CDH13: variants seen among roughly 807,000 people sequenced by gnomAD.
The protein encoded by CDH13 is cadherin-13.
CDH13 carries 24 observed loss-of-function variants against 63.8 expected under a neutral mutation model. That is an observed-to-expected ratio of 0.38 (90% CI 0.27 to 0.53). The LOEUF (loss-of-function observed/expected upper bound fraction) is 0.53, where lower values mean the gene tolerates loss of function less well. CDH13 is among the 20% of genes least tolerant of loss of function. The pLI, the probability that CDH13 is intolerant of heterozygous loss-of-function variation, is 0.85. For synonymous variants in CDH13, 503 were observed against 355.3 expected (o/e 1.42, Z -4.67); for missense variants, 1,049 against 903.1 (o/e 1.16, Z -2.07).
chr16:83,087,642 C>T (rs568383304), intron 3 of CDH13, among the ~76,000 whole-genome samples: 88 of 119,892 alleles, frequency 7.3e-4, no homozygotes, highest in African/African-American at 2.4e-3. Context: ...CACTCCAGCC[C>T]GGGCGACGAA....
chr16:83,024,314 A>G (rs1188280538), intron 2 of CDH13, among the ~76,000 whole-genome samples: 1 of 152,204 alleles, frequency 6.6e-6, no homozygotes. Context: ...GGCATATTCA[A>G]CAGGTATTAT....
intron 5 of CDH13, among the ~76,000 whole-genome samples, chr16:83,227,174 C>T (rs371029834): frequency 1.3e-5 from 2 of 152,186 alleles, no homozygotes; most frequent in East Asian, 1.9e-4. Flanking sequence ...GGTCAGAACC[C>T]GGATGCAAGC....
chr16:82,940,809 C>G (rs886100121), intron 2 of CDH13, among the ~76,000 whole-genome samples: 4 of 152,142 alleles, frequency 2.6e-5, no homozygotes, highest in African/African-American at 9.7e-5. Flanking sequence ...TATTTGAGCT[C>G]TTGTCCCATG....
Position 83,602,364 on chromosome 16 carries a change from G to C in CDH13, c.961-90G>C, listed in dbSNP as rs536904259. The C allele has an allele frequency of 2.1e-4, 273 of 1,277,560 alleles. 1 individual carries two copies. In the African/African-American group the frequency reaches 3.8e-3, roughly 18 times the overall value. The allele number at this position is 1,277,560 out of a possible 1,614,324, so 79.1% of individuals were successfully genotyped here. A position where few individuals can be genotyped will look rare whatever the true frequency, so the allele number is the denominator to read the frequency against. On this transcript the variant is annotated intron_variant, in intron 7 of 13. Coordinates refer to ENST00000567109, the MANE Select transcript of CDH13 (RefSeq NM_001257.5). ...GCCTACCCTAGATGGAGGAGGGGGAGAGACAGCTCCAGCAACACGCCTGCC... is the reference window on the plus strand; with the variant it reads ...GCCTACCCTAGATGGAGGAGGGGGACAGACAGCTCCAGCAACACGCCTGCC...
chr16:82,917,724 C>G (rs886924319), intron 2 of CDH13, among the ~76,000 whole-genome samples: 2 of 151,992 alleles, frequency 1.3e-5, no homozygotes, highest in Non-Finnish European at 2.9e-5. Context: ...CCAGCCTGAC[C>G]AACATGGTGA....
At chr16:82,868,555 C>T (rs945072208) in intron 2 of CDH13, among the ~76,000 whole-genome samples, 7 of 152,116 alleles carry the variant, frequency 4.6e-5, no homozygotes, top group Admixed American at 3.3e-4. Context: ...ATGGGAAACA[C>T]AAGAAGTAAC....
At chr16:83,487,211 C>T (rs953310839) in intron 7 of CDH13, among the ~76,000 whole-genome samples, 3 of 152,266 alleles carry the variant, frequency 2.0e-5, no homozygotes, top group Admixed American at 6.5e-5. Context: ...AACAGGTGAC[C>T]CCTGGCCCAG....
chr16:83,080,871 G>GGTTTTTTTTTTTTTTT (rs2033183201), intron 3 of CDH13, among the ~76,000 whole-genome samples: 4 of 46,926 alleles, frequency 8.5e-5, no homozygotes, highest in African/African-American at 3.7e-4. Flanking sequence ...TTGTTTTTGT[G>GGTTTTTTTTTTTTTTT]TTTTTTTTTT....
chr16:83,077,393 A>G (rs372642730), intron 3 of CDH13, among the ~76,000 whole-genome samples: 18 of 151,638 alleles, frequency 1.2e-4, no homozygotes, highest in African/African-American at 4.1e-4. Context: ...TGGTTTTGCC[A>G]TGTTGGCCAG....
At chr16:83,619,253 A>G (rs1909580811) in intron 8 of CDH13, among the ~76,000 whole-genome samples, 1 of 152,176 alleles carries the variant, frequency 6.6e-6, no homozygotes, top group Non-Finnish European at 1.5e-5. Context: ...AGGGTCCCTG[A>G]CCTCACGAAG....
At chr16:82,939,996 G>T (rs1189869875) in intron 2 of CDH13, among the ~76,000 whole-genome samples, 1 of 152,140 alleles carries the variant, frequency 6.6e-6, no homozygotes, top group Non-Finnish European at 1.5e-5. Context: ...CAGCAGACAG[G>T]AGAGAATGAG....
intron 8 of CDH13, among the ~76,000 whole-genome samples, chr16:83,652,588 C>A (rs976892878): frequency 6.6e-6 from 1 of 152,158 alleles, no homozygotes; most frequent in African/African-American, 2.4e-5. Flanking sequence ...TCTTTACTGG[C>A]CCCTCATGCC....
chr16:83,283,267 C>T (rs771639266), intron 5 of CDH13, among the ~76,000 whole-genome samples: 94 of 152,302 alleles, frequency 6.2e-4, no homozygotes, highest in Non-Finnish European at 1.0e-3. Flanking sequence ...AATATGAACT[C>T]CGAGTGTGGG....
intron 10 of CDH13, among the ~76,000 whole-genome samples, chr16:83,678,844 G>A (rs1915173366): frequency 6.6e-6 from 1 of 152,204 alleles, no homozygotes; most frequent in Non-Finnish European, 1.5e-5. Flanking sequence ...CAAAGGTTTT[G>A]CTAACTCCGT....
chr16:83,002,598 C>G (rs1913055614), intron 2 of CDH13, among the ~76,000 whole-genome samples: 4 of 152,134 alleles, frequency 2.6e-5, no homozygotes, highest in Admixed American at 6.5e-5. Flanking sequence ...TGCAGACAGG[C>G]AATAAACAAA....
At chr16:83,077,186 CTT>C (rs34536219) in intron 3 of CDH13, among the ~76,000 whole-genome samples, 103 of 59,142 alleles carry the variant, frequency 1.7e-3, no homozygotes, top group Admixed American at 2.7e-3. Context: ...TTTTTCTTTT[CTT>C]TTTTTTTTTT....
rs918643339 is a variant in CDH13, at chr16:83,250,742, T to C, written c.636+33245T>C. 2.6e-5 allele frequency among the ~76,000 whole-genome samples: 4 copies of C among 152,250 alleles called. No individual in the cohort carries two copies. The East Asian group carries it at 7.7e-4, about 29-fold the overall frequency. On this transcript the variant is annotated intron_variant, in intron 5 of 13. Transcript: ENST00000567109. ...GATACAGAGTCTCAGAGGTTATGAG[T>C]TGGGATTTATTCTAAGTGCACATAG...
At chr16:83,574,054 C>T (rs948859534) in intron 7 of CDH13, among the ~76,000 whole-genome samples, 2 of 152,032 alleles carry the variant, frequency 1.3e-5, no homozygotes, top group African/African-American at 2.4e-5. Flanking sequence ...AGTCCTTAAG[C>T]GCCGTGCCCC....
intron 5 of CDH13, among the ~76,000 whole-genome samples, chr16:83,233,278 C>T (rs1043950970): frequency 2.0e-5 from 3 of 152,278 alleles, no homozygotes; most frequent in Middle Eastern, 3.4e-3. Context: ...TGCGTGAAGC[C>T]GACCCTTACC....
Sources: gnomAD v4.1 joint callset for allele counts (sites outside exome capture counted in the v4.1 genomes callset) on GRCh38, gnomAD v4.1.1 for gene constraint, MANE v1.5 for transcripts, NCBI Gene and HGNC (gene_info 2026-07-23, HGNC 2026-07-21) for gene names.